Variants in PDE4D observed in about 807,000 individuals in gnomAD.
The protein encoded by PDE4D is 3',5'-cyclic-AMP phosphodiesterase 4D.
In PDE4D, 24 loss-of-function variants were observed where a neutral mutation model predicts 87.4. That is an observed-to-expected ratio of 0.27 (90% CI 0.20 to 0.39). The LOEUF is 0.39. PDE4D is among the 10% of genes least tolerant of loss of function. The probability of loss-of-function intolerance (pLI) is 1.00; values close to 1 mark genes in which losing one functional copy is unlikely to be tolerated. For missense variants in PDE4D, 714 were observed against 1,041.0 expected (o/e 0.69, Z 4.32); for synonymous variants, 384 against 383.2 (o/e 1.00, Z -0.02).
chr5:59,643,069 T>A (rs1259805214), intron 1 of PDE4D, among the ~76,000 whole-genome samples: 1 of 152,150 alleles, frequency 6.6e-6, no homozygotes, highest in Non-Finnish European at 1.5e-5. Flanking sequence ...ATGGAAAAAC[T>A]GGACAAAATG....
chr5:60,221,449 C>T lies in PDE4D; in HGVS notation c.-89-35762G>A, dbSNP rs989456998. 2.0e-5 allele frequency among the ~76,000 whole-genome samples: 3 copies of T among 152,016 alleles called. No homozygotes were observed. In the East Asian group the frequency reaches 5.8e-4, roughly 29 times the overall value. ...AATTTCTCTCTTATCAATTATATGG[C>T]TTATTTGTCTTTCATGTTCCTTGGA... On this transcript the variant is annotated intron_variant, in intron 1 of 16. Coordinates refer to the PDE4D transcript ENST00000502484.
intron 2 of PDE4D, among the ~76,000 whole-genome samples, chr5:60,165,246 C>T (rs766154697): frequency 6.6e-5 from 10 of 152,262 alleles, no homozygotes; most frequent in Non-Finnish European, 1.0e-4. Context: ...AAAAATAGTG[C>T]TGCAATAAAC....
chr5:59,183,089 G>A (rs183924208), intron 4 of PDE4D, among the ~76,000 whole-genome samples: 177 of 152,328 alleles, frequency 1.2e-3, no homozygotes, highest in African/African-American at 4.0e-3. Flanking sequence ...ATGTGATGAG[G>A]CAGAGTTACA....
At chr5:60,451,336 T>C (rs1039340648) in intron 1 of PDE4D, among the ~76,000 whole-genome samples, 5 of 152,072 alleles carry the variant, frequency 3.3e-5, no homozygotes, top group Non-Finnish European at 7.4e-5. Flanking sequence ...GTCAGGAAAA[T>C]TGGGATATCC....
chr5:59,395,706 C>G (rs1459898623), intron 1 of PDE4D, among the ~76,000 whole-genome samples: 1 of 135,902 alleles, frequency 7.4e-6, no homozygotes. Flanking sequence ...CAGCTCCTCA[C>G]CAGCAACAGA....
chr5:59,389,306 T>C (rs1787758759), intron 1 of PDE4D, among the ~76,000 whole-genome samples: 2 of 151,608 alleles, frequency 1.3e-5, no homozygotes, highest in South Asian at 4.2e-4. Flanking sequence ...CATTTTTAGC[T>C]ATTCAAGAAA....
At chr5:60,457,772 T>G (rs1161184153) in intron 1 of PDE4D, among the ~76,000 whole-genome samples, 1 of 152,182 alleles carries the variant, frequency 6.6e-6, no homozygotes, top group South Asian at 2.1e-4. Context: ...CAATGCCGTC[T>G]GTAAGATGGG....
At chr5:59,960,602 A>C (rs1466922919) in intron 3 of PDE4D, among the ~76,000 whole-genome samples, 1 of 152,244 alleles carries the variant, frequency 6.6e-6, no homozygotes, top group African/African-American at 2.4e-5. Context: ...GAATGAATGC[A>C]GAAACAGCAA....
At chr5:59,530,043 T>A (rs1813917094) in intron 1 of PDE4D, among the ~76,000 whole-genome samples, 1 of 152,130 alleles carries the variant, frequency 6.6e-6, no homozygotes, top group Non-Finnish European at 1.5e-5. Context: ...CAGGGTGGGG[T>A]CCAAGAATTT....
At chr5:60,358,962 A>C (rs1266465446) in intron 1 of PDE4D, among the ~76,000 whole-genome samples, 1 of 152,148 alleles carries the variant, frequency 6.6e-6, no homozygotes, top group African/African-American at 2.4e-5. Context: ...TTCACTAATT[A>C]ATTCATTTAA....
At chr5:59,702,519 A>G (rs939101351) in intron 1 of PDE4D, among the ~76,000 whole-genome samples, 2 of 152,102 alleles carry the variant, frequency 1.3e-5, no homozygotes, top group African/African-American at 2.4e-5. Flanking sequence ...ATGCAACTGC[A>G]CTCCAGCCTG....
intron 1 of PDE4D, among the ~76,000 whole-genome samples, chr5:60,499,823 T>A (rs1352623832): frequency 6.6e-6 from 1 of 152,218 alleles, no homozygotes; most frequent in East Asian, 1.9e-4. Context: ...AAGCAGAGGT[T>A]TGAAAATGCT....
At chr5:59,624,321 C>T (rs113172307) in intron 1 of PDE4D, among the ~76,000 whole-genome samples, 4 of 152,022 alleles carry the variant, frequency 2.6e-5, no homozygotes, top group Non-Finnish European at 4.4e-5. Flanking sequence ...ACTCCTGCCC[C>T]GATCACAATG....
intron 5 of PDE4D, among the ~76,000 whole-genome samples, chr5:59,106,443 G>T (rs545678449): frequency 6.6e-6 from 1 of 152,152 alleles, no homozygotes; most frequent in Non-Finnish European, 1.5e-5. Context: ...AAGACATTAA[G>T]TATCTTCATA....
At chr5:60,165,209 G>A (rs1255851413) in intron 2 of PDE4D, among the ~76,000 whole-genome samples, 2 of 152,148 alleles carry the variant, frequency 1.3e-5, no homozygotes, top group African/African-American at 4.8e-5. Context: ...ATGGATGATT[G>A]AGGTGATTCC....
chr5:60,292,049 T>C (rs939441447), intron 1 of PDE4D, among the ~76,000 whole-genome samples: 2 of 152,196 alleles, frequency 1.3e-5, no homozygotes, highest in African/African-American at 4.8e-5. Context: ...ACATTCTAGA[T>C]ATAACGTCAG....
intron 1 of PDE4D, among the ~76,000 whole-genome samples, chr5:59,611,451 T>G (rs962868265): frequency 3.3e-5 from 5 of 152,296 alleles, no homozygotes; most frequent in African/African-American, 1.2e-4. Flanking sequence ...ATATGGCTCA[T>G]GTTCTCTCCC....
chr5:59,223,205 A>G (rs192097768), intron 1 of PDE4D, among the ~76,000 whole-genome samples: 5 of 152,100 alleles, frequency 3.3e-5, no homozygotes, highest in African/African-American at 1.2e-4. Flanking sequence ...GAGACTGCTG[A>G]TTTTTTTCTA....
At chr5:60,110,282 G>C (rs1175794124) in intron 2 of PDE4D, among the ~76,000 whole-genome samples, 1 of 151,884 alleles carries the variant, frequency 6.6e-6, no homozygotes, top group East Asian at 1.9e-4. Context: ...CCTGACAATG[G>C]ACTAATATCC....
Sources: allele counts gnomAD v4.1 joint callset (sites outside exome capture counted in the v4.1 genomes callset), GRCh38; gene constraint gnomAD v4.1.1; transcripts MANE v1.5; gene names NCBI Gene and HGNC (gene_info 2026-07-23, HGNC 2026-07-21).